CSTPP1: variants seen among roughly 807,000 people sequenced by gnomAD.
CSTPP1 encodes centriolar satellite-associated tubulin polyglutamylase complex regulator 1.
At chr11:47,007,809 C>G in the CSTPP1 span, among the ~76,000 whole-genome samples, 1 of 152,066 alleles carries the variant, frequency 6.6e-6, no homozygotes, top group South Asian at 2.1e-4. Context: ...CACTAGCAAT[C>G]CTGGATTACC....
At chr11:47,000,998 A>G in the CSTPP1 span, among the ~76,000 whole-genome samples, 2 of 152,214 alleles carry the variant, frequency 1.3e-5, no homozygotes, top group Admixed American at 1.3e-4. Flanking sequence ...AAATAACAAG[A>G]AAACAGCCAG....
At chr11:46,957,141 T>C in the CSTPP1 span, among the ~76,000 whole-genome samples, 1 of 152,160 alleles carries the variant, frequency 6.6e-6, no homozygotes, top group South Asian at 2.1e-4. Context: ...ATTTCTTTTC[T>C]TCAAGGTAAC....
chr11:46,992,873 A>G, the CSTPP1 span, among the ~76,000 whole-genome samples: 1 of 152,050 alleles, frequency 6.6e-6, no homozygotes, highest in African/African-American at 2.4e-5. Context: ...AAATGTTCCT[A>G]TTTCTCCACA....
the CSTPP1 span, among the ~76,000 whole-genome samples, chr11:46,949,989 T>G: frequency 6.6e-6 from 1 of 151,018 alleles, no homozygotes; most frequent in Non-Finnish European, 1.5e-5. Flanking sequence ...TAACTATTAT[T>G]GAAGGACCAG....
chr11:47,126,659 C>T, the CSTPP1 span, among the ~76,000 whole-genome samples: 91,016 of 150,746 alleles, frequency 0.6, 28,095 homozygotes, highest in Middle Eastern at 0.7. Context: ...ATGGCCAGCA[C>T]GGTGGCTTAT....
chr11:47,160,774 G>T, the CSTPP1 span: 5 of 279,222 alleles, frequency 1.8e-5, no homozygotes, highest in Non-Finnish European at 3.4e-5. Context: ...TTTGGGCTTA[G>T]CCTGGACCAT....
chr11:47,125,592 C>T, the CSTPP1 span, among the ~76,000 whole-genome samples: 1 of 152,192 alleles, frequency 6.6e-6, no homozygotes, highest in Non-Finnish European at 1.5e-5. Context: ...CAGTGGAAAG[C>T]TCAGAGGAAG....
At chr11:46,978,218 C>G in the CSTPP1 span, among the ~76,000 whole-genome samples, 1 of 152,068 alleles carries the variant, frequency 6.6e-6, no homozygotes. Context: ...AGATAACATA[C>G]GCATAACAGA....
the CSTPP1 span, among the ~76,000 whole-genome samples, chr11:46,955,369 G>T: frequency 0.023 from 3,161 of 137,326 alleles, 132 homozygotes; most frequent in African/African-American, 0.078. Flanking sequence ...TTGTTTTTTT[G>T]TTTTTTTTTT....
the CSTPP1 span, among the ~76,000 whole-genome samples, chr11:46,971,064 T>C: frequency 6.6e-6 from 1 of 152,190 alleles, no homozygotes; most frequent in Non-Finnish European, 1.5e-5. Flanking sequence ...ATGCAACATT[T>C]GTCAACAAGT....
the CSTPP1 span, chr11:46,987,130 ACCT>A: frequency 2.2e-6 from 3 of 1,390,032 alleles, no homozygotes; most frequent in Middle Eastern, 5.6e-4. Flanking sequence ...CTTACACATG[ACCT>A]CCTACTAGGA....
chr11:46,954,078 A>G, the CSTPP1 span, among the ~76,000 whole-genome samples: 14 of 152,344 alleles, frequency 9.2e-5, no homozygotes, highest in African/African-American at 3.1e-4. Context: ...AAAGCATGTG[A>G]AGTAAGGCTG....
chr11:47,038,124 C>T, the CSTPP1 span, among the ~76,000 whole-genome samples: 4 of 25,722 alleles, frequency 1.6e-4, no homozygotes, highest in Non-Finnish European at 2.5e-4. Context: ...ACCTCCCTCC[C>T]GGATGGGGCG....
the CSTPP1 span, among the ~76,000 whole-genome samples, chr11:46,974,325 C>T: frequency 6.6e-6 from 1 of 150,772 alleles, no homozygotes; most frequent in African/African-American, 2.4e-5. Context: ...GTCAAGAGTT[C>T]GAGACCAGCC....
At chr11:47,043,372 G>A in the CSTPP1 span, among the ~76,000 whole-genome samples, 6 of 151,902 alleles carry the variant, frequency 3.9e-5, no homozygotes, top group African/African-American at 7.3e-5. Flanking sequence ...GTGAGACCCC[G>A]TCTATTAAAA....
At chr11:46,957,723 C>T in the CSTPP1 span, among the ~76,000 whole-genome samples, 1 of 152,182 alleles carries the variant, frequency 6.6e-6, no homozygotes, top group African/African-American at 2.4e-5. Flanking sequence ...TGTTCTATCT[C>T]TGGAACTGTT....
At chr11:47,052,518 G>C in the CSTPP1 span, 1 of 1,612,360 alleles carries the variant, frequency 6.2e-7, no homozygotes, top group Non-Finnish European at 8.5e-7. Flanking sequence ...CAAAAATGGC[G>C]GTAAGTCTTC....
chr11:47,080,704 A>C, the CSTPP1 span, among the ~76,000 whole-genome samples: 89 of 151,946 alleles, frequency 5.9e-4, no homozygotes, highest in Non-Finnish European at 6.0e-4. Context: ...TAAAATCAAT[A>C]ATTTATTTTA....
At chr11:46,966,260 C>T in the CSTPP1 span, among the ~76,000 whole-genome samples, 2 of 152,236 alleles carry the variant, frequency 1.3e-5, no homozygotes, top group South Asian at 4.1e-4. Flanking sequence ...CCAGGATGGT[C>T]TCGATCTCTT....
Sources: allele counts gnomAD v4.1 joint callset (sites outside exome capture counted in the v4.1 genomes callset), GRCh38; gene constraint gnomAD v4.1.1; transcripts MANE v1.5; gene names NCBI Gene and HGNC (gene_info 2026-07-23, HGNC 2026-07-21).